Variants in DCLRE1C observed in about 807,000 individuals in gnomAD.
DCLRE1C encodes protein artemis.
DCLRE1C carries 47 observed loss-of-function variants against 61.4 expected under a neutral mutation model. The observed-to-expected ratio is 0.77, with a 90% CI of 0.61 to 0.98. The LOEUF (loss-of-function observed/expected upper bound fraction) is 0.98. Among genes scored for constraint, DCLRE1C ranks in the 50% least tolerant of loss-of-function variants. The pLI is 0.00. For missense variants in DCLRE1C, 858 were observed against 816.0 expected (o/e 1.05, Z -0.63); for synonymous variants, 337 against 287.6 (o/e 1.17, Z -1.74).
intron 1 of DCLRE1C, among the ~76,000 whole-genome samples, chr10:14,953,519 G>A (rs1427332455): frequency 1.3e-5 from 2 of 151,960 alleles, no homozygotes; most frequent in African/African-American, 4.8e-5. Flanking sequence ...TCTCCTGCTT[G>A]CTGACCAATG....
At position 14,907,770 on chromosome 10, in the gene DCLRE1C, C is replaced by T. The variant is rs976748348; in HGVS notation, c.*638G>A. The T allele has an allele frequency of 6.6e-6, 1 of 151,830 alleles. No homozygotes were observed. Among genetic ancestry groups the T allele is most frequent in the Admixed American group, 6.6e-5 (1 of 15,214 alleles). 9.4% of individuals were successfully genotyped at this position (151,830 alleles called of 1,614,324 possible). On this transcript the variant is annotated 3_prime_UTR_variant, in exon 14 of 14. Transcript: ENST00000378278. ...GATCACTGGGTTATGTTGGTTTTTT[C>T]CGTGTCTCTTGTCATTGATGCACTT...
chr10:14,937,983 G>A (rs550482181), intron 4 of DCLRE1C, among the ~76,000 whole-genome samples: 125 of 151,138 alleles, frequency 8.3e-4, no homozygotes, highest in Non-Finnish European at 1.2e-3. Flanking sequence ...GCAAGGGCAA[G>A]ACCTGCAGGC....
At chr10:14,950,046 AAAAC>A (rs1329899193) in intron 1 of DCLRE1C, among the ~76,000 whole-genome samples, 12 of 150,902 alleles carry the variant, frequency 8.0e-5, no homozygotes, top group East Asian at 2.0e-4. Context: ...CTTCATCTCA[AAAAC>A]AAACAAACGG....
intron 9 of DCLRE1C, among the ~76,000 whole-genome samples, chr10:14,929,035 C>T (rs1381920824): frequency 6.6e-6 from 1 of 152,188 alleles, no homozygotes; most frequent in Non-Finnish European, 1.5e-5. Flanking sequence ...CCACCTTGGC[C>T]TCCTAAACTG....
In DCLRE1C at chr10:14,936,547, C is replaced by T. The variant is rs1839956628; in HGVS notation, c.353G>A (p.Gly118Glu). 6.2e-7 allele frequency: 1 copy of T among 1,612,610 alleles called. No individual in the cohort carries two copies. The highest frequency in any genetic ancestry group is 8.5e-7 in the Non-Finnish European group (1 of 1,178,876). ...TAAATGACCCCCTTACATAACTGAT[C>T]CCGGACAGTGACCAGCTGGTAAGAG... is the stretch of plus-strand genomic sequence containing the variant. ...VTLLPAGHCP[G>E]SVMFLFQGNN... The change falls in exon 5 of 14, where the codon GGA (glycine) becomes GAA (glutamate). Residue 118 changes from glycine to glutamate, a missense_variant. Gly to Glu is a moderately conservative substitution (Grantham distance 98). Coordinates refer to ENST00000378278, the MANE Select transcript of DCLRE1C (RefSeq NM_001033855.3).
chr10:14,922,432 C>A (rs1262797268), intron 12 of DCLRE1C, among the ~76,000 whole-genome samples: 1 of 148,796 alleles, frequency 6.7e-6, no homozygotes, highest in Non-Finnish European at 1.5e-5. Flanking sequence ...CAGAGTGAGA[C>A]CCTGTCTAAA....
chr10:14,926,078 C>T (rs957947058), intron 11 of DCLRE1C, among the ~76,000 whole-genome samples: 4 of 152,146 alleles, frequency 2.6e-5, no homozygotes, highest in African/African-American at 9.7e-5. Flanking sequence ...CTGAGGCCTC[C>T]CCAGCCCTGC....
intron 12 of DCLRE1C, chr10:14,920,346 A>G (rs1588968546): frequency 9.8e-7 from 1 of 1,022,934 alleles, no homozygotes; most frequent in Non-Finnish European, 1.2e-6. Flanking sequence ...TAAAATACAA[A>G]AAGGCAGAGA....
At chr10:14,916,022 A>G (rs1196799992) in intron 13 of DCLRE1C, among the ~76,000 whole-genome samples, 1 of 152,228 alleles carries the variant, frequency 6.6e-6, no homozygotes, top group Non-Finnish European at 1.5e-5. Context: ...CAACAAATAC[A>G]GAAAAAGCGT....
chr10:14,926,581 G>A (rs560359636), intron 11 of DCLRE1C, among the ~76,000 whole-genome samples: 1 of 150,882 alleles, frequency 6.6e-6, no homozygotes, highest in East Asian at 2.0e-4. Flanking sequence ...CTGAACCCAG[G>A]AGGCAGAGGT....
intron 3 of DCLRE1C, among the ~76,000 whole-genome samples, chr10:14,944,434 G>A (rs1248979055): frequency 6.6e-6 from 1 of 152,082 alleles, no homozygotes; most frequent in Non-Finnish European, 1.5e-5. Flanking sequence ...AGGAGGCAGA[G>A]GTTGCAGTGA....
At chr10:14,902,522 G>A, downstream of DCLRE1C, 1 of 1,519,024 alleles carries the variant, frequency 6.6e-7, no homozygotes, top group Non-Finnish European at 8.9e-7. Context: ...AACTTTTTCA[G>A]GAAATAGAGC....
chr10:14,910,389 C>G (rs760809978), intron 13 of DCLRE1C, among the ~76,000 whole-genome samples: 2 of 152,062 alleles, frequency 1.3e-5, no homozygotes, highest in Non-Finnish European at 2.9e-5. Flanking sequence ...ACTACTATGC[C>G]AAAGTTGTTT....
intron 2 of DCLRE1C, among the ~76,000 whole-genome samples, chr10:14,945,894 G>A (rs547883820): frequency 4.0e-5 from 6 of 149,518 alleles, no homozygotes; most frequent in Non-Finnish European, 8.9e-5. Context: ...CTGACCTCGG[G>A]TGATCCACCC....
intron 13 of DCLRE1C, among the ~76,000 whole-genome samples, chr10:14,912,094 C>T (rs74124748): frequency 0.017 from 2,634 of 152,288 alleles, 46 homozygotes; most frequent in African/African-American, 0.054. Flanking sequence ...TGTGGAAGCC[C>T]TAAAGCCAGT....
intron 8 of DCLRE1C, among the ~76,000 whole-genome samples, chr10:14,933,323 C>T (rs1432408539): frequency 2.6e-5 from 4 of 152,182 alleles, no homozygotes; most frequent in African/African-American, 9.7e-5. Flanking sequence ...GTAATCCACA[C>T]AGACAAAAAC....
intron 9 of DCLRE1C, among the ~76,000 whole-genome samples, chr10:14,930,278 CTTTTT>C (rs60565089): frequency 1.2e-5 from 1 of 85,706 alleles, no homozygotes; most frequent in Admixed American, 1.4e-4. Context: ...CACTCAGCAC[CTTTTT>C]TTTTTTTTTT....
In DCLRE1C at chr10:14,945,440, C is replaced by T. The variant is rs574379521; in HGVS notation, c.162-251G>A. The T allele has an allele frequency of 2.1e-4, 255 of 1,228,500 alleles. 4 individuals are homozygous for T. The African/African-American group carries it at 2.9e-3, about 14-fold the overall frequency. The allele number at this position is 1,228,500 out of a possible 1,614,324, so 76.1% of individuals were successfully genotyped here. ...TAGAGTCACTCTCAACATACCTATG[C>T]ACACCATTTCAGTGCCACCAAGAGC... is the stretch of plus-strand genomic sequence containing the variant. On this transcript the variant is annotated intron_variant, in intron 2 of 13. Transcript: ENST00000378278.
rs767371116 is a variant in DCLRE1C at position 14,949,114 on chromosome 10, G to C, written c.110-27C>G. ...TAAAAACAAAAGAACAAAAACTCAT[G>C]AATATGTTTTTCCAGAGGATTCCTT... is the stretch of plus-strand genomic sequence containing the variant. On this transcript the variant is annotated intron_variant, in intron 1 of 13. Transcript: ENST00000378278. 5.2e-6 allele frequency: 8 copies of C among 1,529,372 alleles called. 1 individual carries two copies. The highest frequency in any genetic ancestry group is 5.0e-5 in the Admixed American group (3 of 59,590). The allele number at this position is 1,529,372 out of a possible 1,614,324, so 94.7% of individuals were successfully genotyped here. A position where few individuals can be genotyped will look rare whatever the true frequency, so the allele number is the denominator to read the frequency against.
Sources: allele counts gnomAD v4.1 joint callset (sites outside exome capture counted in the v4.1 genomes callset), GRCh38; gene constraint gnomAD v4.1.1; transcripts MANE v1.5; gene names NCBI Gene and HGNC (gene_info 2026-07-23, HGNC 2026-07-21).